GOLGA8A: variants seen among roughly 807,000 people sequenced by gnomAD.
GOLGA8A encodes golgin subfamily A member 8A.
In GOLGA8A, 3 loss-of-function variants were observed where a neutral mutation model predicts 22.1. The ratio of observed to expected loss-of-function variants is 0.14; its 90% CI spans 0.06 to 0.35. The LOEUF (loss-of-function observed/expected upper bound fraction) is 0.35, where lower values mean the gene tolerates loss of function less well. Ranked by LOEUF, GOLGA8A falls within the 10% of genes least tolerant of loss-of-function variation. GOLGA8A has a pLI of 1.00. For missense variants in GOLGA8A, 16 were observed against 233.2 expected (o/e 0.07, Z 6.07); for synonymous variants, 7 against 91.7 (o/e 0.08, Z 5.28).
chr15:34,434,203 GA>G (rs1303186623), intron 2 of GOLGA8A, among the ~76,000 whole-genome samples: 4 of 149,346 alleles, frequency 2.7e-5, no homozygotes, highest in Non-Finnish European at 6.0e-5. Flanking sequence ...GCGAGCGGGG[GA>G]ACTTGAGAAA....
At chr15:34,431,995 G>A (rs1249537114) in intron 2 of GOLGA8A, among the ~76,000 whole-genome samples, 4 of 148,870 alleles carry the variant, frequency 2.7e-5, no homozygotes, top group Non-Finnish European at 4.5e-5. Flanking sequence ...AGTGTTCTCC[G>A]ACTCACTATT....
chr15:34,383,709 G>GGGT, intron 18 of GOLGA8A, 37 bp downstream of exon 18: 1 of 133,574 alleles, frequency 7.5e-6, no homozygotes, highest in South Asian at 4.4e-5. Context: ...GTTGGTGGGG[G>GGGT]GGGGGTGGGG....
intron 2 of GOLGA8A, among the ~76,000 whole-genome samples, chr15:34,423,020 GGGGCATTT>G (rs1438384959): frequency 7.6e-6 from 1 of 131,722 alleles, no homozygotes; most frequent in Non-Finnish European, 1.7e-5. Context: ...AGCCAGAAAT[GGGGCATTT>G]GGGGACCGCA....
chr15:34,410,710 G>A lies in GOLGA8A; in HGVS notation c.-1122-2975C>T, dbSNP rs1175187212. 5 of 266,930 alleles carry A rather than the reference G, an allele frequency of 1.9e-5. 2 individuals carry two copies. The allele number at this position is 266,930 out of a possible 1,614,324, so 16.5% of individuals were successfully genotyped here. ...GGTGGGGGGTGCTGGGTGCCTTACA[G>A]TTCTAATGGTGGCTGAGCTCTTCAT... On this transcript the variant is annotated intron_variant, in intron 2 of 24. Coordinates refer to ENST00000359187, the MANE Select transcript of GOLGA8A (RefSeq NM_181077.5).
rs12592143 is a variant in GOLGA8A, at chr15:34,432,286, G to A, written c.-1123+3097C>T. Among the ~76,000 whole-genome samples the A allele has an allele frequency of 1.4e-3, 210 of 148,838 alleles. 12 individuals are homozygous for A. The East Asian group carries it at 0.034, about 24-fold the overall frequency. On this transcript the variant is annotated intron_variant, in intron 2 of 24. Transcript: ENST00000359187. The stretch of plus-strand genomic sequence containing the variant: ...GTCTCTCGGCTTGTGTTGAAAATTA[G>A]CACCTTTACGTGCCCACCAGTGGTC...
At position 34,417,571 on chromosome 15, in the gene GOLGA8A, C is replaced by T. The variant is rs1338294057; in HGVS notation, c.-1122-9836G>A. On this transcript the variant is annotated intron_variant, in intron 2 of 24. Coordinates refer to ENST00000359187, the MANE Select transcript of GOLGA8A (RefSeq NM_181077.5). ...ATGTAGAAATATAATCTGTGAATTA[C>T]CTGATGAAATTTTCCTAATTTTGAA... 2.7e-3 allele frequency: 373 copies of T among 136,516 alleles called. 1 individual carries two copies. The highest frequency in any genetic ancestry group is 0.021 in the Middle Eastern group (5 of 242). 8.5% of individuals were successfully genotyped at this position (136,516 alleles called of 1,614,324 possible).
At position 34,419,993 on chromosome 15, in the gene GOLGA8A, T is replaced by C. The variant is rs560957081; in HGVS notation, c.-1122-12258A>G. ...GAGTTAGCGGACACAGAGTTTCAGA[T>C]TGCAAGATGAAGAAAGTTCTGGAGA... On this transcript the variant is annotated intron_variant, in intron 2 of 24. Transcript: ENST00000359187. 144 of 148,142 alleles carry C rather than the reference T, an allele frequency of 9.7e-4. 8 individuals carry two copies. The South Asian group carries it at 0.013, about 14-fold the overall frequency. 9.2% of individuals were successfully genotyped at this position (148,142 alleles called of 1,614,324 possible).
intron 2 of GOLGA8A, among the ~76,000 whole-genome samples, chr15:34,431,327 A>ATC (rs1186788441): frequency 8.5e-4 from 28 of 32,896 alleles, no homozygotes; most frequent in Non-Finnish European, 1.3e-3. Flanking sequence ...ATATATATAT[A>ATC]TATATATATA....
chr15:34,431,878 T>C (rs1595670573), intron 2 of GOLGA8A, among the ~76,000 whole-genome samples: 1 of 149,194 alleles, frequency 6.7e-6, no homozygotes, highest in East Asian at 2.0e-4. Flanking sequence ...TTGAGCCCCA[T>C]GATATTCTTA....
In GOLGA8A at chr15:34,426,051, G is replaced by A. The variant is rs1331375887; in HGVS notation, c.-1123+9332C>T. Among the ~76,000 whole-genome samples, 2 of 147,048 alleles carry A rather than the reference G, an allele frequency of 1.4e-5. 1 individual carries two copies. Among genetic ancestry groups the A allele is most frequent in the Non-Finnish European group, 3.0e-5 (2 of 66,408 alleles). ...TCAAGAGAGCAATCTGGCAATATCTGTTGACACTCTGAATGCCCAAACCAT... is the reference window on the plus strand; with the variant it reads ...TCAAGAGAGCAATCTGGCAATATCTATTGACACTCTGAATGCCCAAACCAT... On this transcript the variant is annotated intron_variant, in intron 2 of 24. Coordinates refer to ENST00000359187, the MANE Select transcript of GOLGA8A (RefSeq NM_181077.5).
intron 2 of GOLGA8A, among the ~76,000 whole-genome samples, chr15:34,434,104 G>A (rs8031520): frequency 0.093 from 13,907 of 149,314 alleles, 1,681 homozygotes; most frequent in South Asian, 0.25. Flanking sequence ...GATGACAGGT[G>A]GGGATGGGGT....
At chr15:34,418,153 G>T (rs1892651692) in intron 2 of GOLGA8A, 1 of 76,318 alleles carries the variant, frequency 1.3e-5, no homozygotes, top group Non-Finnish European at 3.0e-5. Context: ...AAAAAGGATT[G>T]CTTCATCTTT....
Position 34,433,343 on chromosome 15 carries a change from G to A in GOLGA8A, c.-1123+2040C>T, listed in dbSNP as rs1893342210. Among the ~76,000 whole-genome samples, 3 of 149,260 alleles carry A rather than the reference G, an allele frequency of 2.0e-5. 1 individual carries two copies. Among genetic ancestry groups the A allele is most frequent in the African/African-American group, 7.4e-5 (3 of 40,474 alleles). On this transcript the variant is annotated intron_variant, in intron 2 of 24. Coordinates refer to ENST00000359187, the MANE Select transcript of GOLGA8A (RefSeq NM_181077.5). ...CCTTCCAAAGTGCATCCACATCCGA[G>A]GTGACTGCAGGGAGACGCAGCGCTG...
chr15:34,386,234 T>C (rs1327226283), intron 12 of GOLGA8A, among the ~76,000 whole-genome samples: 4 of 141,656 alleles, frequency 2.8e-5, no homozygotes, highest in Non-Finnish European at 4.5e-5. Flanking sequence ...ACACAGACCT[T>C]TGATACTCAC....
At chr15:34,423,740 G>A (rs1892872120) in intron 2 of GOLGA8A, among the ~76,000 whole-genome samples, 1 of 149,126 alleles carries the variant, frequency 6.7e-6, no homozygotes, top group Non-Finnish European at 1.5e-5. Flanking sequence ...GCACAGTCAG[G>A]GTGGGGGCTC....
rs765098493 is a variant in GOLGA8A at position 34,380,147 on chromosome 15, G to C, written c.*1264C>G. On this transcript the variant is annotated 3_prime_UTR_variant, in exon 25 of 25. Coordinates refer to ENST00000359187, the MANE Select transcript of GOLGA8A (RefSeq NM_181077.5). ...CATATATTAGTTTATAATAATGTTT[G>C]TTATTACTTTCTAAAGTGTTTTCCA... 4 of 152,236 alleles carry C rather than the reference G, an allele frequency of 2.6e-5. No individual in the cohort carries two copies. Among genetic ancestry groups the C allele is most frequent in the Non-Finnish European group, 5.9e-5 (4 of 68,020 alleles). 9.4% of individuals were successfully genotyped at this position (152,236 alleles called of 1,614,324 possible). A position where few individuals can be genotyped will look rare whatever the true frequency, so the allele number is the denominator to read the frequency against.
In GOLGA8A at chr15:34,433,530, T is replaced by C. The variant is rs531166187; in HGVS notation, c.-1123+1853A>G. Among the ~76,000 whole-genome samples the C allele has an allele frequency of 1.5e-4, 23 of 149,516 alleles. 2 individuals carry two copies. The highest frequency in any genetic ancestry group is 4.4e-4 in the African/African-American group (18 of 40,590). ...AAACCGACGTTGCACTGTACAACTCTGAAGCTCTTTCTTGACTGCCCACTG... is the reference window on the plus strand; with the variant it reads ...AAACCGACGTTGCACTGTACAACTCCGAAGCTCTTTCTTGACTGCCCACTG... On this transcript the variant is annotated intron_variant, in intron 2 of 24. Coordinates refer to ENST00000359187, the MANE Select transcript of GOLGA8A (RefSeq NM_181077.5).
At chr15:34,400,662 C>A (rs530246268) in intron 6 of GOLGA8A, 50 bp downstream of exon 6, 3 of 144,918 alleles carry the variant, frequency 2.1e-5, no homozygotes, top group Non-Finnish European at 3.1e-5. Flanking sequence ...TTCGTTACCC[C>A]GTATGAATCC....
At position 34,379,160 on chromosome 15, in the gene GOLGA8A, T is replaced by TAC. The variant is rs1006062443; in HGVS notation, c.*2249_*2250dup. The TAC allele has an allele frequency of 2.6e-5, 4 of 152,660 alleles. No individual in the cohort carries two copies. Among genetic ancestry groups the TAC allele is most frequent in the Non-Finnish European group, 5.9e-5 (4 of 68,046 alleles). The allele number at this position is 152,660 out of a possible 1,614,324, so 9.5% of individuals were successfully genotyped here. On this transcript the variant is annotated 3_prime_UTR_variant, in exon 25 of 25. Transcript: ENST00000359187. Reference sequence around the variant, plus strand: ...AGCAAAAGTCTTTCAGTATTTCCGTTACACATTCTGTTAACAAGAACTCAT... The same window carrying TAC: ...AGCAAAAGTCTTTCAGTATTTCCGTTACACACATTCTGTTAACAAGAACTCAT...
Sources: gnomAD v4.1 joint callset for allele counts (sites outside exome capture counted in the v4.1 genomes callset) on GRCh38, gnomAD v4.1.1 for gene constraint, MANE v1.5 for transcripts, NCBI Gene and HGNC (gene_info 2026-07-23, HGNC 2026-07-21) for gene names.